The following TBCC variants were observed in gnomAD, a reference collection of about 807,000 sequenced individuals.
The protein encoded by TBCC is tubulin folding cofactor C, also known as tubulin-specific chaperone C.
A neutral mutation model predicts 25.3 loss-of-function variants in TBCC; 25 were observed. The ratio of observed to expected loss-of-function variants is 0.99; its 90% CI spans 0.72 to 1.38. The LOEUF is 1.38. Ranked by LOEUF, TBCC falls within the 40% of genes most tolerant of loss-of-function variation. The pLI is 0.00. For synonymous variants in TBCC, 226 were observed against 192.8 expected, an observed-to-expected ratio of 1.17 and a Z score of -1.43; for missense variants, 507 against 447.2, an observed-to-expected ratio of 1.13 and a Z score of -1.21.
In TBCC at chr6:42,745,173, T is replaced by C; in HGVS notation, c.901A>G (p.Lys301Glu). ...TCTAAACCAGAGCTCTCGAAGTCCT[T>C]GTCGATCTCCGGGTAGCTCCAGGTG... ...PYTWSYPEID[K>E]DFESSGLDRS... is the part of the protein sequence containing the mutation. The change falls in exon 1 of 1, where the codon AAG becomes GAG. Residue 301 changes from lysine (K) to glutamate (E), a missense_variant. Physicochemically the swap from Lys to Glu is moderately conservative, Grantham distance 56. Transcript: ENST00000372876. This position sits in a 1 kb window ranked among gnomAD's most constrained non-coding sequence, Gnocchi z 4.2. 1 of 1,614,216 alleles carries C rather than the reference T, an allele frequency of 6.2e-7. No homozygotes were observed. The highest frequency in any genetic ancestry group is 8.5e-7 in the Non-Finnish European group (1 of 1,180,036).
In TBCC at chr6:42,744,827, AG is replaced by A. The variant is rs1261264893; in HGVS notation, c.*205del. On this transcript the variant is annotated 3_prime_UTR_variant, in exon 1 of 1. Transcript: ENST00000372876. ...GGGACGGAGTAAGACTCAGTCTCAA[AG>A]GCATGACGAAAATAGCAAAAATGCT... is the stretch of plus-strand genomic sequence containing the variant. 1 of 578,804 alleles carries A rather than the reference AG, an allele frequency of 1.7e-6. No individual in the cohort carries two copies. The highest frequency in any genetic ancestry group is 1.9e-5 in the African/African-American group (1 of 53,630). 35.9% of individuals were successfully genotyped at this position (578,804 alleles called of 1,614,324 possible).
rs2234029 is a variant in TBCC at position 42,745,485 on chromosome 6, T to G, written c.589A>C (p.Arg197=). The part of the protein sequence containing the change: ...SNLESQVLEK[R]ASELHQRDVL... Reference sequence around the variant, plus strand: ...TCGCGCTGGTGCAACTCGCTGGCTCTCTTCTCCAAGACTTGGGACTCCAGG... The same window carrying G: ...TCGCGCTGGTGCAACTCGCTGGCTCGCTTCTCCAAGACTTGGGACTCCAGG... Residue 197 remains arginine, a synonymous_variant, in exon 1 of 1, where the codon AGA becomes CGA. Transcript: ENST00000372876. The surrounding 1 kb of genome is among the most constrained non-coding windows in gnomAD (Gnocchi z 4.2). 4,194 of 1,612,700 alleles carry G rather than the reference T, an allele frequency of 2.6e-3. 67 individuals carry two copies. In the East Asian group the frequency reaches 0.047, roughly 18 times the overall value.
Position 42,744,769 on chromosome 6 carries a change from C to G in TBCC, c.*264G>C. On this transcript the variant is annotated 3_prime_UTR_variant, in exon 1 of 1. Transcript: ENST00000372876. ...AAAAATACAAGTTCGCGTGGTGGCGCGCGCCTGTAATCCCAGCGCGCCACC... is the reference window on the plus strand; with the variant it reads ...AAAAATACAAGTTCGCGTGGTGGCGGGCGCCTGTAATCCCAGCGCGCCACC... 3.3e-6 allele frequency: 1 copy of G among 299,316 alleles called. No individual in the cohort carries two copies. Among genetic ancestry groups the G allele is most frequent in the Non-Finnish European group, 6.1e-6 (1 of 164,592 alleles). The allele number at this position is 299,316 out of a possible 1,614,324, so 18.5% of individuals were successfully genotyped here. A position where few individuals can be genotyped will look rare whatever the true frequency, so the allele number is the denominator to read the frequency against.
Position 42,744,835 on chromosome 6 carries a change from C to T in TBCC, c.*198G>A, listed in dbSNP as rs577637739. Reference sequence around the variant, plus strand: ...GTAAGACTCAGTCTCAAAGGCATGACGAAAATAGCAAAAATGCTTTAGTGT... The same window carrying T: ...GTAAGACTCAGTCTCAAAGGCATGATGAAAATAGCAAAAATGCTTTAGTGT... On this transcript the variant is annotated 3_prime_UTR_variant, in exon 1 of 1. Coordinates refer to ENST00000372876, the MANE Select transcript of TBCC (RefSeq NM_003192.3). The T allele has an allele frequency of 4.1e-5, 25 of 606,734 alleles. No homozygotes were observed. The South Asian group carries it at 5.7e-4, about 14-fold the overall frequency. 37.6% of individuals were successfully genotyped at this position (606,734 alleles called of 1,614,324 possible).
In TBCC at chr6:42,745,770, C is replaced by G. The variant is rs1475945698; in HGVS notation, c.304G>C (p.Val102Leu). ...QGLQKLINDS[V>L]FFLAAYDLRQ... ...AGGTCGTAAGCGGCTAGGAAAAAAA[C>G]TGAGTCGTTGATTAGTTTCTGCAGC... Residue 102 changes from valine (V) to leucine (L), a missense_variant, in exon 1 of 1, where the codon GTT becomes CTT. Transcript: ENST00000372876. This position sits in a 1 kb window ranked among gnomAD's most constrained non-coding sequence, Gnocchi z 4.2. The G allele has an allele frequency of 8.1e-6, 13 of 1,613,898 alleles. 1 individual carries two copies. The Admixed American group carries it at 2.2e-4, about 27-fold the overall frequency.
chr6:42,745,623 T>C lies in TBCC; in HGVS notation c.451A>G (p.Lys151Glu), dbSNP rs764633705. The C allele has an allele frequency of 1.9e-6, 3 of 1,612,870 alleles. No homozygotes were observed. The South Asian group carries it at 3.3e-5, about 18-fold the overall frequency. ...GGGATGCCAGGAGCCGCGTCTACTT[T>C]GGTAGACGAAGCAGCATCCTTTCCC... Reference protein sequence around the residue: ...TRGKDAASSTKVDAAPGIPPA... With the variant: ...TRGKDAASSTEVDAAPGIPPA... The change falls in exon 1 of 1, where the codon AAA becomes GAA. Residue 151 changes from lysine (K) to glutamate (E), a missense_variant. Transcript: ENST00000372876. This position sits in a 1 kb window ranked among gnomAD's most constrained non-coding sequence, Gnocchi z 4.2.
chr6:42,744,925 T>C lies in TBCC; in HGVS notation c.*108A>G. 1 of 1,058,488 alleles carries C rather than the reference T, an allele frequency of 9.4e-7. No homozygotes were observed. The allele number at this position is 1,058,488 out of a possible 1,614,324, so 65.6% of individuals were successfully genotyped here. The stretch of plus-strand genomic sequence containing the variant: ...CCCATTACAATCTCTAGCCTTAAAA[T>C]GCTGAAAACATACACAGTGTGACAA... On this transcript the variant is annotated 3_prime_UTR_variant, in exon 1 of 1. Transcript: ENST00000372876.
rs2152015489 is a variant in TBCC at position 42,744,914 on chromosome 6, T to C, written c.*119A>G. 2 of 947,980 alleles carry C rather than the reference T, an allele frequency of 2.1e-6. No individual in the cohort carries two copies. Among genetic ancestry groups the C allele is most frequent in the East Asian group, 2.6e-5 (1 of 38,886 alleles). The allele number at this position is 947,980 out of a possible 1,614,324, so 58.7% of individuals were successfully genotyped here. A position where few individuals can be genotyped will look rare whatever the true frequency, so the allele number is the denominator to read the frequency against. On this transcript the variant is annotated 3_prime_UTR_variant, in exon 1 of 1. Coordinates refer to ENST00000372876, the MANE Select transcript of TBCC (RefSeq NM_003192.3). ...ACAAGTAGGAGCCCATTACAATCTCTAGCCTTAAAATGCTGAAAACATACA... is the reference window on the plus strand; with the variant it reads ...ACAAGTAGGAGCCCATTACAATCTCCAGCCTTAAAATGCTGAAAACATACA...
rs1762247351 is a variant in TBCC at position 42,745,492 on chromosome 6, C to T, written c.582G>A (p.Leu194=). 2 of 1,612,050 alleles carry T rather than the reference C, an allele frequency of 1.2e-6. No individual in the cohort carries two copies. Among genetic ancestry groups the T allele is most frequent in the African/African-American group, 1.3e-5 (1 of 74,908 alleles). ...CGFSNLESQV[L]EKRASELHQR... The stretch of plus-strand genomic sequence containing the variant: ...GGTGCAACTCGCTGGCTCTCTTCTC[C>T]AAGACTTGGGACTCCAGGTTGGAGA... Residue 194 remains leucine, a synonymous_variant, in exon 1 of 1, where the codon TTG becomes TTA. Coordinates refer to ENST00000372876, the MANE Select transcript of TBCC (RefSeq NM_003192.3). This position sits in a 1 kb window ranked among gnomAD's most constrained non-coding sequence, Gnocchi z 4.2.
In TBCC at chr6:42,744,767, C is replaced by T; in HGVS notation, c.*266G>A. The T allele has an allele frequency of 3.5e-6, 1 of 288,762 alleles. No homozygotes were observed. Among genetic ancestry groups the T allele is most frequent in the Non-Finnish European group, 6.3e-6 (1 of 158,406 alleles). 17.9% of individuals were successfully genotyped at this position (288,762 alleles called of 1,614,324 possible). A position where few individuals can be genotyped will look rare whatever the true frequency, so the allele number is the denominator to read the frequency against. ...CTAAAAATACAAGTTCGCGTGGTGG[C>T]GCGCGCCTGTAATCCCAGCGCGCCA... On this transcript the variant is annotated 3_prime_UTR_variant, in exon 1 of 1. Coordinates refer to ENST00000372876, the MANE Select transcript of TBCC (RefSeq NM_003192.3).
chr6:42,745,311 C>A lies in TBCC; in HGVS notation c.763G>T (p.Ala255Ser), dbSNP rs759482421. ...ATGCGGAGCTGTTGGCAGGCCACTG[C>A]CAGCACGCAGTCACTGCAGTCCTCC... ...FLEDCSDCVL[A>S]VACQQLRIHS... Residue 255 changes from alanine (A) to serine (S), a missense_variant, in exon 1 of 1, where the codon GCA (alanine) becomes TCA (serine). Coordinates refer to ENST00000372876, the MANE Select transcript of TBCC (RefSeq NM_003192.3). This position sits in a 1 kb window ranked among gnomAD's most constrained non-coding sequence, Gnocchi z 4.2. 2.5e-6 allele frequency: 4 copies of A among 1,614,100 alleles called. No homozygotes were observed. Among genetic ancestry groups the A allele is most frequent in the Middle Eastern group, 1.6e-4 (1 of 6,084 alleles).
At position 42,745,600 on chromosome 6, in the gene TBCC, G is replaced by A. The variant is rs1348812631; in HGVS notation, c.474C>T (p.Ile158=). ...SSTKVDAAPG[I]PPAVESIQDS... ...CCTGTATGCTTTCAACTGCCGGGGG[G>A]ATGCCAGGAGCCGCGTCTACTTTGG... is the stretch of plus-strand genomic sequence containing the variant. Residue 158 remains isoleucine (I), a synonymous_variant, in exon 1 of 1, where the codon ATC becomes ATT. Coordinates refer to ENST00000372876, the MANE Select transcript of TBCC (RefSeq NM_003192.3). The surrounding 1 kb of genome is among the most constrained non-coding windows in gnomAD (Gnocchi z 4.2). The A allele has an allele frequency of 6.2e-7, 1 of 1,611,546 alleles. No individual in the cohort carries two copies. Among genetic ancestry groups the A allele is most frequent in the South Asian group, 1.1e-5 (1 of 91,002 alleles).
Position 42,745,995 on chromosome 6 carries a change from C to T in TBCC, c.79G>A (p.Glu27Lys), listed in dbSNP as rs763798372. Residue 27 changes from glutamate to lysine, a missense_variant, in exon 1 of 1, where the codon GAG (glutamate) becomes AAG (lysine). By Grantham distance (56) the Glu-to-Lys change is moderately conservative. Transcript: ENST00000372876. This position sits in a 1 kb window ranked among gnomAD's most constrained non-coding sequence, Gnocchi z 4.2. ...ESQRDLSLVP[E>K]RLQRREQERQ... is the part of the protein sequence containing the mutation. ...TCTTGTTCGCGTCTCTGAAGCCGCT[C>T]AGGCACCAGGCTCAGGTCCCGCTGG... is the stretch of plus-strand genomic sequence containing the variant. 22 of 1,614,076 alleles carry T rather than the reference C, an allele frequency of 1.4e-5. No homozygotes were observed. The highest frequency in any genetic ancestry group is 1.9e-5 in the Non-Finnish European group (22 of 1,180,054).
rs2152015388 is a variant in TBCC, at chr6:42,744,618, A to C, written c.*415T>G. 2 of 155,298 alleles carry C rather than the reference A, an allele frequency of 1.3e-5. No individual in the cohort carries two copies. The highest frequency in any genetic ancestry group is 4.0e-4 in the South Asian group (2 of 5,060). 9.6% of individuals were successfully genotyped at this position (155,298 alleles called of 1,614,324 possible). On this transcript the variant is annotated 3_prime_UTR_variant, in exon 1 of 1. Transcript: ENST00000372876. The stretch of plus-strand genomic sequence containing the variant: ...CAAACTATTGTGGTAAAAATAAATA[A>C]ATAAAGCCCTGGCGTGGTGGCTCAC...
Position 42,744,881 on chromosome 6 carries a change from T to C in TBCC, c.*152A>G, listed in dbSNP as rs1377814308. 3 of 740,098 alleles carry C rather than the reference T, an allele frequency of 4.1e-6. No individual in the cohort carries two copies. The highest frequency in any genetic ancestry group is 2.6e-4 in the Middle Eastern group (1 of 3,800). 45.8% of individuals were successfully genotyped at this position (740,098 alleles called of 1,614,324 possible). ...AGTGTTATACCTGTTACGAATTTAATGGAAATTACAAGTAGGAGCCCATTA... is the reference window on the plus strand; with the variant it reads ...AGTGTTATACCTGTTACGAATTTAACGGAAATTACAAGTAGGAGCCCATTA... On this transcript the variant is annotated 3_prime_UTR_variant, in exon 1 of 1. Coordinates refer to ENST00000372876, the MANE Select transcript of TBCC (RefSeq NM_003192.3).
Position 42,744,941 on chromosome 6 carries a change from A to G in TBCC, c.*92T>C. ...GCCTTAAAATGCTGAAAACATACAC[A>G]GTGTGACAATAAGTAAACTTCGAGA... On this transcript the variant is annotated 3_prime_UTR_variant, in exon 1 of 1. Coordinates refer to ENST00000372876, the MANE Select transcript of TBCC (RefSeq NM_003192.3). 2 of 1,196,650 alleles carry G rather than the reference A, an allele frequency of 1.7e-6. No homozygotes were observed. The highest frequency in any genetic ancestry group is 3.0e-5 in the African/African-American group (2 of 65,686). 74.1% of individuals were successfully genotyped at this position (1,196,650 alleles called of 1,614,324 possible).
In TBCC at chr6:42,745,331, T is replaced by G. The variant is rs146027414; in HGVS notation, c.743A>C (p.Asp248Ala). The G allele has an allele frequency of 3.3e-5, 53 of 1,614,212 alleles. No individual in the cohort carries two copies. Among genetic ancestry groups the G allele is most frequent in the Middle Eastern group, 1.7e-4 (1 of 6,060 alleles). The change falls in exon 1 of 1, where the codon GAC becomes GCC. Residue 248 changes from aspartate to alanine, a missense_variant. By Grantham distance (126) the Asp-to-Ala change is moderately radical. Transcript: ENST00000372876. This position sits in a 1 kb window ranked among gnomAD's most constrained non-coding sequence, Gnocchi z 4.2. ...GPVSTSVFLE[D>A]CSDCVLAVAC... ...CACTGCCAGCACGCAGTCACTGCAG[T>G]CCTCCAGGAAAACAGAGGTAGACAC...
chr6:42,744,761 T>G lies in TBCC; in HGVS notation c.*272A>C, dbSNP rs1762227989. ...TCTCTACTAAAAATACAAGTTCGCG[T>G]GGTGGCGCGCGCCTGTAATCCCAGC... is the stretch of plus-strand genomic sequence containing the variant. On this transcript the variant is annotated 3_prime_UTR_variant, in exon 1 of 1. Coordinates refer to ENST00000372876, the MANE Select transcript of TBCC (RefSeq NM_003192.3). 2 of 259,912 alleles carry G rather than the reference T, an allele frequency of 7.7e-6. No homozygotes were observed. Among genetic ancestry groups the G allele is most frequent in the Non-Finnish European group, 7.1e-6 (1 of 141,324 alleles). The allele number at this position is 259,912 out of a possible 1,614,324, so 16.1% of individuals were successfully genotyped here.
rs766148665 is a variant in TBCC, at chr6:42,745,300, G to A, written c.774C>T (p.Cys258=). 1 of 1,614,250 alleles carries A rather than the reference G, an allele frequency of 6.2e-7. No individual in the cohort carries two copies. Among genetic ancestry groups the A allele is most frequent in the South Asian group, 1.1e-5 (1 of 91,088 alleles). ...DCSDCVLAVA[C]QQLRIHSTKD... is the part of the protein sequence containing the mutation. ...TCGTACTGTGTATGCGGAGCTGTTG[G>A]CAGGCCACTGCCAGCACGCAGTCAC... is the stretch of plus-strand genomic sequence containing the variant. The change falls in exon 1 of 1, where the codon TGC becomes TGT. Residue 258 remains cysteine (C), a synonymous_variant. Coordinates refer to ENST00000372876, the MANE Select transcript of TBCC (RefSeq NM_003192.3). This position sits in a 1 kb window ranked among gnomAD's most constrained non-coding sequence, Gnocchi z 4.2.
Sources: allele counts gnomAD v4.1 joint callset, GRCh38; gene constraint gnomAD v4.1.1; non-coding constraint Gnocchi (gnomAD v3.1); transcripts MANE v1.5; gene names NCBI Gene and HGNC (gene_info 2026-07-23, HGNC 2026-07-21).